The following RPL9 variants were observed in gnomAD, a reference collection of about 807,000 sequenced individuals.
The protein encoded by RPL9 is large ribosomal subunit protein uL6.
For synonymous variants in RPL9, 82 were observed against 77.1 expected (o/e 1.06, Z -0.33); for missense variants, 149 against 236.7 (o/e 0.63, Z 2.43).
At chr4:39,455,439 G>A (rs1169104340) in intron 5 of RPL9, among the ~76,000 whole-genome samples, 2 of 151,902 alleles carry the variant, frequency 1.3e-5, no homozygotes, top group African/African-American at 4.8e-5. Context: ...GCCGAGCCAG[G>A]TATGTTTTAA....
intron 3 of RPL9, chr4:39,457,989 A>G: frequency 2.9e-6 from 2 of 698,000 alleles, no homozygotes; most frequent in East Asian, 5.5e-5. Context: ...GTCACTGATG[A>G]CCACTATTAC....
Position 39,458,254 on chromosome 4 carries a change from C to G in RPL9, c.102G>C (p.Leu34=). The change falls in exon 3 of 8, where the codon CTG becomes CTC. Residue 34 remains leucine, a synonymous_variant. Coordinates refer to ENST00000295955, the MANE Select transcript of RPL9 (RefSeq NM_000661.5). ...CATTGATGTGATTGAAGTCCCTCCG[C>G]AGGGTTCCTCTGGGGCCCTTCACGA... ...TVIVKGPRGT[L]RRDFNHINVE... The G allele has an allele frequency of 1.2e-6, 2 of 1,614,156 alleles. No individual in the cohort carries two copies. Among genetic ancestry groups the G allele is most frequent in the Non-Finnish European group, 1.7e-6 (2 of 1,180,046 alleles).
intron 1 of RPL9, chr4:39,458,641 G>A (rs1054340399): frequency 9.5e-6 from 6 of 629,158 alleles, no homozygotes; most frequent in African/African-American, 7.3e-5. Flanking sequence ...AGGCCCAGCA[G>A]TCGAACTCCC....
chr4:39,454,708 TATTTC>T (rs1744019163), intron 6 of RPL9, 59 bp from the exon 7 acceptor site: 1 of 1,494,578 alleles, frequency 6.7e-7, no homozygotes, highest in Non-Finnish European at 9.2e-7. Flanking sequence ...AAAAAGAAAG[TATTTC>T]ATTATGTGCT....
At chr4:39,456,591 A>G (rs1744096745) in intron 4 of RPL9, 53 bp from the exon 5 acceptor site, 1 of 1,579,556 alleles carries the variant, frequency 6.3e-7, no homozygotes, top group Non-Finnish European at 8.6e-7. Context: ...TATTTTTAAT[A>G]GTTTTAAAAT....
In RPL9 at chr4:39,454,906, A is replaced by T. The variant is rs1336592337; in HGVS notation, c.430T>A (p.Leu144Ile). The change falls in exon 6 of 8, where the codon TTA (leucine) becomes ATA (isoleucine). Residue 144 changes from leucine (L) to isoleucine (I), a missense_variant. Physicochemically the swap from Leu to Ile is conservative, Grantham distance 5 (BLOSUM62 2). Coordinates refer to ENST00000295955, the MANE Select transcript of RPL9 (RefSeq NM_000661.5). ...TCAATGTCATTTCCTTCAAGGATTA[A>T]TTCATCTTTCTGGGCTTGAGATACT... ...CSVSQAQKDE[L>I]ILEGNDIELV... 10 of 1,614,044 alleles carry T rather than the reference A, an allele frequency of 6.2e-6. No individual in the cohort carries two copies. The East Asian group carries it at 2.2e-4, about 36-fold the overall frequency.
chr4:39,458,389 C>T lies in RPL9; in HGVS notation c.46+5G>A, dbSNP rs1050453535. On this transcript the variant is annotated splice_donor_5th_base_variant and intron_variant, in intron 2 of 7. Coordinates refer to ENST00000295955, the MANE Select transcript of RPL9 (RefSeq NM_000661.5). ...GATGTAAGTAAAAGACATCAAGTCT[C>T]ATACCATTTTCTGGAATGTCGACAG... 6.2e-7 allele frequency: 1 copy of T among 1,614,184 alleles called. No homozygotes were observed. Among genetic ancestry groups the T allele is most frequent in the Non-Finnish European group, 8.5e-7 (1 of 1,180,000 alleles).
intron 3 of RPL9, chr4:39,457,903 C>T: frequency 3.2e-6 from 2 of 623,754 alleles, no homozygotes; most frequent in Non-Finnish European, 2.8e-6. Flanking sequence ...GTTTAAATGA[C>T]CTACTGCCGG....
chr4:39,458,367 G>C (rs191123038), intron 2 of RPL9, 27 bp downstream of exon 2: 11 of 1,613,838 alleles, frequency 6.8e-6, no homozygotes, highest in Non-Finnish European at 8.5e-6. Flanking sequence ...CAGTAAAGAT[G>C]TAAGTAAAAG....
chr4:39,454,978 A>G, intron 5 of RPL9, 34 bp from the exon 6 acceptor site: 1 of 1,567,958 alleles, frequency 6.4e-7, no homozygotes, highest in Non-Finnish European at 8.7e-7. Context: ...ACAGCATCAA[A>G]TCTGTGTAAA....
chr4:39,455,608 C>CA (rs1744056211), intron 5 of RPL9, among the ~76,000 whole-genome samples: 1 of 151,724 alleles, frequency 6.6e-6, no homozygotes, highest in Non-Finnish European at 1.5e-5. Context: ...ACAGTCTCTA[C>CA]AAAAAATCAA....
At position 39,458,402 on chromosome 4, in the gene RPL9, G is replaced by A; in HGVS notation, c.38C>T (p.Pro13Leu). The change falls in exon 2 of 8, where the codon CCA (proline) becomes CTA (leucine). Residue 13 changes from proline to leucine, a missense_variant. Physicochemically the swap from Pro to Leu is moderately conservative, Grantham distance 98. Coordinates refer to ENST00000295955, the MANE Select transcript of RPL9 (RefSeq NM_000661.5). ...GACATCAAGTCTCATACCATTTTCT[G>A]GAATGTCGACAGTCTGATTGCTGAG... ...TILSNQTVDIPENVDITLKGR... is the reference protein window; with the variant it reads ...TILSNQTVDILENVDITLKGR... 1 of 1,614,180 alleles carries A rather than the reference G, an allele frequency of 6.2e-7. No individual in the cohort carries two copies. The highest frequency in any genetic ancestry group is 8.5e-7 in the Non-Finnish European group (1 of 1,180,020).
Position 39,458,288 on chromosome 4 carries a change from C to A in RPL9, c.68G>T (p.Arg23Leu). 1.2e-6 allele frequency: 2 copies of A among 1,614,066 alleles called. No homozygotes were observed. Among genetic ancestry groups the A allele is most frequent in the Non-Finnish European group, 1.7e-6 (2 of 1,179,996 alleles). Residue 23 changes from arginine (R) to leucine (L), a missense_variant, in exon 3 of 8, where the codon CGC becomes CTC. By Grantham distance (102) the Arg-to-Leu change is moderately radical (BLOSUM62 -2). Transcript: ENST00000295955. ...PENVDITLKG[R>L]TVIVKGPRGT... ...TCTGGGGCCCTTCACGATAACTGTG[C>A]GTCCCTTCAGAGTAATGTCGACTAG...
intron 5 of RPL9, chr4:39,456,173 G>A (rs1187666745): frequency 3.7e-6 from 2 of 539,354 alleles, no homozygotes; most frequent in Admixed American, 6.3e-5. Context: ...AACCACCACT[G>A]CAAGCTACTC....
At chr4:39,454,806 T>G in intron 6 of RPL9, 58 bp downstream of exon 6, 1 of 1,566,526 alleles carries the variant, frequency 6.4e-7, no homozygotes, top group Non-Finnish European at 8.7e-7. Context: ...ATACTGTATT[T>G]TAAACAAGAT....
rs183248215 is a variant in RPL9, at chr4:39,458,894, G to A, written c.-5C>T. On this transcript the variant is annotated 5_prime_UTR_variant, in exon 1 of 8. Coordinates refer to ENST00000295955, the MANE Select transcript of RPL9 (RefSeq NM_000661.5). ...ACGAGCACAGAAACATCCTTACCTC[G>A]CAGTAGACGCAGCAAAGAAAGAACG... 1.9e-5 allele frequency: 13 copies of A among 702,472 alleles called. No homozygotes were observed. Among genetic ancestry groups the A allele is most frequent in the African/African-American group, 3.5e-5 (2 of 57,242 alleles). The allele number at this position is 702,472 out of a possible 1,614,324, so 43.5% of individuals were successfully genotyped here.
chr4:39,454,510 C>T, intron 7 of RPL9, 23 bp downstream of exon 7: 1 of 1,547,988 alleles, frequency 6.5e-7, no homozygotes, highest in African/African-American at 1.4e-5. Flanking sequence ...AGTAATAAAA[C>T]TTAAGACACT....
rs1297145910 is a variant in RPL9 at position 39,458,871 on chromosome 4, G to A, written c.-2+20C>T. Reference sequence around the variant, plus strand: ...GGTTTCAGATTCCCAGTACCCCCACGAGCACAGAAACATCCTTACCTCGCA... The same window carrying A: ...GGTTTCAGATTCCCAGTACCCCCACAAGCACAGAAACATCCTTACCTCGCA... On this transcript the variant is annotated intron_variant, in intron 1 of 7. Transcript: ENST00000295955. 2 of 699,232 alleles carry A rather than the reference G, an allele frequency of 2.9e-6. No individual in the cohort carries two copies. The highest frequency in any genetic ancestry group is 5.2e-6 in the Non-Finnish European group (2 of 383,382). The allele number at this position is 699,232 out of a possible 1,614,324, so 43.3% of individuals were successfully genotyped here.
intron 7 of RPL9, 25 bp downstream of exon 7, chr4:39,454,508 A>C (rs769765202): frequency 6.5e-7 from 1 of 1,531,324 alleles, no homozygotes; most frequent in South Asian, 1.2e-5. Flanking sequence ...GCAGTAATAA[A>C]ACTTAAGACA....
Sources: allele counts gnomAD v4.1 joint callset (sites outside exome capture counted in the v4.1 genomes callset), GRCh38; gene constraint gnomAD v4.1.1; transcripts MANE v1.5; gene names NCBI Gene and HGNC (gene_info 2026-07-23, HGNC 2026-07-21).